RPS6KA2: variants seen among roughly 807,000 people sequenced by gnomAD.
The protein encoded by RPS6KA2 is ribosomal protein S6 kinase A2.
A neutral mutation model predicts 91.8 loss-of-function variants in RPS6KA2; 42 were observed. That is an observed-to-expected ratio of 0.46 (90% CI 0.36 to 0.59). The LOEUF is 0.59. RPS6KA2 is among the 20% of genes least tolerant of loss of function. The pLI is 0.00. For synonymous variants in RPS6KA2, 414 were observed against 393.6 expected, an observed-to-expected ratio of 1.05 and a Z score of -0.61; for missense variants, 798 against 978.5, an observed-to-expected ratio of 0.82 and a Z score of 2.46.
rs533944148 is a variant in RPS6KA2 at position 166,840,754 on chromosome 6, G to A, written c.123+17446C>T. 3.9e-5 allele frequency among the ~76,000 whole-genome samples: 6 copies of A among 152,242 alleles called. No individual in the cohort carries two copies. In the South Asian group the frequency reaches 1.2e-3, roughly 32 times the overall value. On this transcript the variant is annotated intron_variant, in intron 2 of 21. Coordinates refer to the RPS6KA2 transcript ENST00000503859. ...AGGCGGGCAGATCACCTGAGGTCGG[G>A]AGTTCGAGACCAGCCTGACCAACAT...
chr6:166,728,842 G>A (rs1235469894), intron 2 of RPS6KA2, among the ~76,000 whole-genome samples: 1 of 152,254 alleles, frequency 6.6e-6, no homozygotes, highest in African/African-American at 2.4e-5. Context: ...TGTGGGTGAT[G>A]TCCACGACAT....
intron 2 of RPS6KA2, among the ~76,000 whole-genome samples, chr6:166,739,961 A>C (rs931859489): frequency 6.6e-5 from 10 of 152,134 alleles, no homozygotes; most frequent in Admixed American, 3.9e-4. Context: ...ATTGTTTCCT[A>C]CAGGGCCTGC....
chr6:166,633,492 CT>C lies in RPS6KA2; in HGVS notation c.124-94709del, dbSNP rs531817109. Among the ~76,000 whole-genome samples, 17 of 152,362 alleles carry C rather than the reference CT, an allele frequency of 1.1e-4. No homozygotes were observed. The South Asian group carries it at 3.5e-3, about 32-fold the overall frequency. ...AGCCAAACCGCTTTGAGGCTTACTT[CT>C]GTGGAAAATAAATCTTCTCGTTGAG... On this transcript the variant is annotated intron_variant, in intron 2 of 21. Transcript: ENST00000503859.
intron 2 of RPS6KA2, among the ~76,000 whole-genome samples, chr6:166,844,220 CAAAG>C (rs1228138955): frequency 6.6e-6 from 1 of 151,790 alleles, no homozygotes; most frequent in Non-Finnish European, 1.5e-5. Context: ...GCATCAAAGA[CAAAG>C]AAAAAAGAAT....
At position 166,490,565 on chromosome 6, in the gene RPS6KA2, A is replaced by G. The variant is rs1781554633; in HGVS notation, c.818+106T>C. The G allele has an allele frequency of 6.2e-6, 5 of 800,032 alleles. No individual in the cohort carries two copies. The East Asian group carries it at 1.1e-4, about 17-fold the overall frequency. 49.6% of individuals were successfully genotyped at this position (800,032 alleles called of 1,614,324 possible). A position where few individuals can be genotyped will look rare whatever the true frequency, so the allele number is the denominator to read the frequency against. ...ACAGCTTACAATACTTTGGCACTGTAAGCCTAGCAATGTAATTAAAACTTC... is the reference window on the plus strand; with the variant it reads ...ACAGCTTACAATACTTTGGCACTGTGAGCCTAGCAATGTAATTAAAACTTC... On this transcript the variant is annotated intron_variant, in intron 9 of 20. Transcript: ENST00000265678. The surrounding 1 kb of genome is among the most constrained non-coding windows in gnomAD (Gnocchi z 4.2).
intron 2 of RPS6KA2, among the ~76,000 whole-genome samples, chr6:166,774,646 C>T (rs1376034130): frequency 6.6e-6 from 1 of 152,126 alleles, no homozygotes; most frequent in African/African-American, 2.4e-5. Context: ...CCCCAATTTC[C>T]CTGTTTGTAC....
chr6:166,743,362 C>T (rs1377774973), intron 2 of RPS6KA2, among the ~76,000 whole-genome samples: 1 of 152,208 alleles, frequency 6.6e-6, no homozygotes, highest in African/African-American at 2.4e-5. Context: ...CGTGAACATG[C>T]CCACAGAACG....
chr6:166,483,099 C>T (rs1019823063), intron 10 of RPS6KA2, among the ~76,000 whole-genome samples: 1 of 152,184 alleles, frequency 6.6e-6, no homozygotes, highest in South Asian at 2.1e-4. Flanking sequence ...AGCCTTTGGG[C>T]CGATGGGGCC....
chr6:166,770,728 T>G lies in RPS6KA2; in HGVS notation c.123+87472A>C. The G allele has an allele frequency of 1.2e-6, 1 of 817,216 alleles. No individual in the cohort carries two copies. The highest frequency in any genetic ancestry group is 1.9e-6 in the Non-Finnish European group (1 of 520,982). The allele number at this position is 817,216 out of a possible 1,614,324, so 50.6% of individuals were successfully genotyped here. On this transcript the variant is annotated intron_variant, in intron 2 of 21. Coordinates refer to the RPS6KA2 transcript ENST00000503859. This position sits in a 1 kb window ranked among gnomAD's most constrained non-coding sequence, Gnocchi z 5.1. ...AGTGGTCCAGCCTTCTAAAAGCTCT[T>G]CGCACCTTGCCTTGCTGGACTCCGG...
At chr6:166,556,943 C>T (rs939452802) in intron 1 of RPS6KA2, among the ~76,000 whole-genome samples, 5 of 152,230 alleles carry the variant, frequency 3.3e-5, no homozygotes, top group African/African-American at 4.8e-5. Flanking sequence ...GTATGCTGGG[C>T]GTGGACTCAG....
intron 2 of RPS6KA2, among the ~76,000 whole-genome samples, chr6:166,750,919 C>G (rs1358135822): frequency 6.6e-6 from 1 of 152,210 alleles, no homozygotes; most frequent in African/African-American, 2.4e-5. Flanking sequence ...TGATCATATT[C>G]AGGAGGAAAA....
intron 2 of RPS6KA2, among the ~76,000 whole-genome samples, chr6:166,647,057 G>A (rs1197615014): frequency 6.6e-6 from 1 of 152,174 alleles, no homozygotes. Flanking sequence ...GGCACTGCCA[G>A]GGAAGAATTA....
intron 2 of RPS6KA2, among the ~76,000 whole-genome samples, chr6:166,637,229 C>T (rs898240902): frequency 1.3e-5 from 2 of 152,230 alleles, no homozygotes; most frequent in Non-Finnish European, 2.9e-5. Context: ...CTGACCCTGT[C>T]CGCGCAAGGC....
At chr6:166,771,569 T>C (rs1319908872) in intron 2 of RPS6KA2, among the ~76,000 whole-genome samples, 4 of 152,236 alleles carry the variant, frequency 2.6e-5, no homozygotes, top group East Asian at 1.9e-4. Flanking sequence ...CGTTCAGTGA[T>C]GCAGGGGCCA....
At chr6:166,659,398 AG>A (rs377061723) in intron 2 of RPS6KA2, among the ~76,000 whole-genome samples, 116 of 152,084 alleles carry the variant, frequency 7.6e-4, no homozygotes, top group African/African-American at 2.6e-3. Flanking sequence ...GGGAGGGGAG[AG>A]GGGGCCATCC....
intron 2 of RPS6KA2, among the ~76,000 whole-genome samples, chr6:166,691,365 A>T (rs1789201788): frequency 6.6e-6 from 1 of 150,612 alleles, no homozygotes; most frequent in Non-Finnish European, 1.5e-5. Flanking sequence ...ATCTCTCTCC[A>T]CTCCAGTCCA....
chr6:166,417,820 A>G lies in RPS6KA2; in HGVS notation c.1938+405T>C, dbSNP rs375225890. Among the ~76,000 whole-genome samples the G allele has an allele frequency of 9.2e-5, 14 of 152,186 alleles. No individual in the cohort carries two copies. In the South Asian group the frequency reaches 2.9e-3, roughly 32 times the overall value. Reference sequence around the variant, plus strand: ...GTGGCTCATACCTGTAATCCCAGCAATTTGGGAGGCTGAGGTGGGTGGATC... The same window carrying G: ...GTGGCTCATACCTGTAATCCCAGCAGTTTGGGAGGCTGAGGTGGGTGGATC... On this transcript the variant is annotated intron_variant, in intron 19 of 20. Coordinates refer to ENST00000265678, the MANE Select transcript of RPS6KA2 (RefSeq NM_021135.6).
At chr6:166,783,846 AT>A (rs1562437348) in intron 2 of RPS6KA2, among the ~76,000 whole-genome samples, 1,658 of 58,268 alleles carry the variant, frequency 0.028, 271 homozygotes, top group African/African-American at 0.082. Flanking sequence ...ACACCTATCT[AT>A]ACCACATATG....
chr6:166,483,865 T>C (rs559235815), intron 10 of RPS6KA2, among the ~76,000 whole-genome samples: 1 of 152,368 alleles, frequency 6.6e-6, no homozygotes, highest in East Asian at 1.9e-4. Flanking sequence ...TTTACAGTCT[T>C]GTCATGAAGA....
Sources: allele counts gnomAD v4.1 joint callset (sites outside exome capture counted in the v4.1 genomes callset), GRCh38; gene constraint gnomAD v4.1.1; non-coding constraint Gnocchi (gnomAD v3.1); transcripts MANE v1.5; gene names NCBI Gene and HGNC (gene_info 2026-07-23, HGNC 2026-07-21).